Variants in DPYS observed in about 807,000 individuals in gnomAD.
DPYS encodes dihydropyrimidine amidohydrolase.
Under a neutral mutation model 50.3 loss-of-function variants are expected in DPYS, and 39 were observed. The ratio of observed to expected loss-of-function variants is 0.78; its 90% CI spans 0.60 to 1.01. The LOEUF is 1.01. Among genes scored for constraint, DPYS ranks in the 50% least tolerant of loss-of-function variants. The pLI is 0.00. For missense variants in DPYS, 659 were observed against 680.9 expected, an observed-to-expected ratio of 0.97 and a Z score of 0.36; for synonymous variants, 245 against 250.7, an observed-to-expected ratio of 0.98 and a Z score of 0.22.
intron 7 of DPYS, among the ~76,000 whole-genome samples, chr8:104,410,205 C>T (rs1158077824): frequency 2.0e-5 from 3 of 152,006 alleles, no homozygotes; most frequent in Non-Finnish European, 4.4e-5. Context: ...TTTTTTCCCC[C>T]ATTTTCCAGG....
intron 9 of DPYS, 176 bp downstream of exon 9, chr8:104,381,007 CA>C: frequency 1.7e-6 from 1 of 593,568 alleles, no homozygotes; most frequent in Non-Finnish European, 3.0e-6. Flanking sequence ...AGGCCTTCTA[CA>C]ATCTGGAAGG....
At chr8:104,381,863 C>CACACACACACAT (rs1194056016) in intron 8 of DPYS, among the ~76,000 whole-genome samples, 7 of 119,246 alleles carry the variant, frequency 5.9e-5, no homozygotes, top group Non-Finnish European at 1.2e-4. Context: ...CACACACACA[C>CACACACACACAT]ACACACACAC....
chr8:104,462,310 A>T (rs1814200396), intron 1 of DPYS, among the ~76,000 whole-genome samples: 1 of 152,114 alleles, frequency 6.6e-6, no homozygotes, highest in South Asian at 2.1e-4. Context: ...AGAAAAGGGG[A>T]TTTGATTTGC....
intron 4 of DPYS, among the ~76,000 whole-genome samples, chr8:104,439,354 A>G (rs1813263357): frequency 6.6e-6 from 1 of 152,238 alleles, no homozygotes; most frequent in Non-Finnish European, 1.5e-5. Flanking sequence ...CTTACTTTCC[A>G]TTTAATACTT....
At position 104,399,866 on chromosome 8, in the gene DPYS, CA is replaced by C. The variant is rs57562204; in HGVS notation, c.1236-6876del. ...CCTGGGAGACAGCAAGACTCCGTCT[CA>C]AAAAAAAAAAAAAAAAAAAAAAAGA... On this transcript the variant is annotated intron_variant, in intron 7 of 9. Transcript: ENST00000351513. 2.5e-3 allele frequency among the ~76,000 whole-genome samples: 132 copies of C among 52,512 alleles called. 1 individual carries two copies. The highest frequency in any genetic ancestry group is 2.8e-3 in the Non-Finnish European group (88 of 31,926). 34.4% of individuals were successfully genotyped at this position (52,512 alleles called of 152,430 possible). A position where few individuals can be genotyped will look rare whatever the true frequency, so the allele number is the denominator to read the frequency against.
chr8:104,402,102 G>C (rs1811835567), intron 7 of DPYS, among the ~76,000 whole-genome samples: 1 of 152,176 alleles, frequency 6.6e-6, no homozygotes, highest in Non-Finnish European at 1.5e-5. Context: ...TGTAATATAG[G>C]TCATGGATGG....
chr8:104,461,232 G>A (rs867865477), intron 1 of DPYS, among the ~76,000 whole-genome samples: 5 of 151,482 alleles, frequency 3.3e-5, no homozygotes, highest in Admixed American at 2.0e-4. Context: ...GGATGAGGCT[G>A]CCGTGAGCTG....
chr8:104,389,469 T>C (rs1811318465), intron 8 of DPYS, among the ~76,000 whole-genome samples: 1 of 152,182 alleles, frequency 6.6e-6, no homozygotes, highest in South Asian at 2.1e-4. Flanking sequence ...TTAATATCTT[T>C]TCCACACCAA....
intron 4 of DPYS, among the ~76,000 whole-genome samples, chr8:104,443,004 C>T (rs1437676600): frequency 6.6e-6 from 1 of 151,936 alleles, no homozygotes; most frequent in African/African-American, 2.4e-5. Flanking sequence ...TTCAGTGAGC[C>T]AAGATTGTAC....
chr8:104,381,471 C>A (rs2140496625), intron 8 of DPYS, 157 bp from the exon 9 acceptor site: 1 of 678,166 alleles, frequency 1.5e-6, no homozygotes, highest in South Asian at 1.6e-5. Context: ...AAATTCCTGG[C>A]AACCTTGAGA....
intron 8 of DPYS, among the ~76,000 whole-genome samples, chr8:104,381,852 T>TCATA (rs1554689946): frequency 1.8e-4 from 22 of 123,872 alleles, no homozygotes; most frequent in African/African-American, 7.0e-4. Context: ...AGTTTTGAAA[T>TCATA]CACACACACA....
intron 1 of DPYS, among the ~76,000 whole-genome samples, chr8:104,455,632 T>G (rs1367605342): frequency 1.3e-5 from 2 of 151,636 alleles, no homozygotes; most frequent in African/African-American, 2.4e-5. Flanking sequence ...TAGGAGAAAA[T>G]GTAGGAGTGA....
chr8:104,466,767 G>T lies in DPYS; in HGVS notation c.154C>A (p.Leu52Ile). ...AGGACGAGCTTGCCGGCGGCGTCGA[G>T]GACCCGCAGCCCCGCAGGAGCGCCC... ...PGGAPAGLRV[L>I]DAAGKLVLPG... is the part of the protein sequence containing the mutation. The change falls in exon 1 of 10, where the codon CTC becomes ATC. Residue 52 changes from leucine (L) to isoleucine (I), a missense_variant. Physicochemically the swap from Leu to Ile is conservative, Grantham distance 5. Coordinates refer to ENST00000351513, the MANE Select transcript of DPYS (RefSeq NM_001385.3). The T allele has an allele frequency of 6.5e-7, 1 of 1,534,576 alleles. No individual in the cohort carries two copies.
chr8:104,404,509 T>A (rs947333014), intron 7 of DPYS, among the ~76,000 whole-genome samples: 1 of 152,242 alleles, frequency 6.6e-6, no homozygotes, highest in African/African-American at 2.4e-5. Flanking sequence ...GTAAACAAAG[T>A]AACAGTTGTG....
At chr8:104,465,607 G>A (rs967715962) in intron 1 of DPYS, among the ~76,000 whole-genome samples, 2 of 152,134 alleles carry the variant, frequency 1.3e-5, no homozygotes, top group African/African-American at 4.8e-5. Context: ...AAATGTTGCA[G>A]GGGTGTCCAA....
At chr8:104,450,338 AGATT>A (rs916414166) in intron 2 of DPYS, among the ~76,000 whole-genome samples, 4 of 152,174 alleles carry the variant, frequency 2.6e-5, no homozygotes, top group African/African-American at 7.2e-5. Flanking sequence ...TACCTGTTAA[AGATT>A]GATTATTTGT....
intron 8 of DPYS, among the ~76,000 whole-genome samples, chr8:104,391,245 A>C (rs1811377201): frequency 6.6e-6 from 1 of 151,868 alleles, no homozygotes; most frequent in Admixed American, 6.6e-5. Flanking sequence ...AAGCCTCTAC[A>C]AGATCCAAAT....
At chr8:104,460,498 T>C (rs1047887827) in intron 1 of DPYS, among the ~76,000 whole-genome samples, 2 of 152,210 alleles carry the variant, frequency 1.3e-5, no homozygotes, top group Non-Finnish European at 2.9e-5. Flanking sequence ...TGTGAGTCAA[T>C]TGAACCTCTT....
At chr8:104,414,845 T>C (rs1812313205) in intron 7 of DPYS, among the ~76,000 whole-genome samples, 1 of 152,226 alleles carries the variant, frequency 6.6e-6, no homozygotes, top group Non-Finnish European at 1.5e-5. Context: ...AAAAACAGTG[T>C]TGTTTGACCC....
Sources: gnomAD v4.1 joint callset for allele counts (sites outside exome capture counted in the v4.1 genomes callset) on GRCh38, gnomAD v4.1.1 for gene constraint, MANE v1.5 for transcripts, NCBI Gene and HGNC (gene_info 2026-07-23, HGNC 2026-07-21) for gene names.